PLA2G4F: variants seen among roughly 807,000 people sequenced by gnomAD.
PLA2G4F encodes the protein cytosolic phospholipase A2 zeta.
In PLA2G4F, 105 loss-of-function variants were observed where a neutral mutation model predicts 103.1. The observed-to-expected ratio is 1.02, with a 90% confidence interval of 0.87 to 1.20. The LOEUF (loss-of-function observed/expected upper bound fraction) is 1.20, where lower values mean the gene tolerates loss of function less well. PLA2G4F is among the 50% of genes most tolerant of loss of function. The pLI is 0.00. For missense variants in PLA2G4F, 1,155 were observed against 1,075.9 expected (o/e 1.07, Z -1.03); for synonymous variants, 468 against 441.1 (o/e 1.06, Z -0.76).
rs776776601 is a variant in PLA2G4F at position 42,154,173 on chromosome 15, G to A, written c.369C>T (p.Asp123=). ...TLYDKDILGS[D]QLSLLLFDLR... The stretch of plus-strand genomic sequence containing the variant: ...GGTCAAACAGGAGCAGAGAGAGCTG[G>A]TCGCTGCCCAGGATGTCCTTGTCAT... Residue 123 remains aspartate (D), a synonymous_variant, in exon 4 of 20, where the codon GAC becomes GAT. Transcript: ENST00000397272. 9.3e-6 allele frequency: 15 copies of A among 1,614,126 alleles called. No homozygotes were observed. Among genetic ancestry groups the A allele is most frequent in the African/African-American group, 1.3e-5 (1 of 74,946 alleles).
chr15:42,144,355 C>A, intron 17 of PLA2G4F, 95 bp downstream of exon 17: 1 of 1,523,528 alleles, frequency 6.6e-7, no homozygotes. Flanking sequence ...GAGACCACAC[C>A]TCAACCCCCA....
Position 42,145,623 on chromosome 15 carries a change from A to C in PLA2G4F, c.1732T>G (p.Ser578Ala). Reference protein sequence around the residue: ...LDEIFLKTAGSGLSFLEWYRG... With the variant: ...LDEIFLKTAGAGLSFLEWYRG... ...TACCACTCCAGGAAGCTGAGGCCCG[A>C]GCCGGCGGTCTTTAGGAAGATCTCA... The change falls in exon 16 of 20, where the codon TCG (serine) becomes GCG (alanine). Residue 578 changes from serine (S) to alanine (A), a missense_variant. By Grantham distance (99) the Ser-to-Ala change is moderately conservative. Coordinates refer to ENST00000397272, the MANE Select transcript of PLA2G4F (RefSeq NM_213600.4). The C allele has an allele frequency of 6.2e-7, 1 of 1,614,060 alleles. No individual in the cohort carries two copies. The highest frequency in any genetic ancestry group is 1.3e-5 in the African/African-American group (1 of 75,010).
chr15:42,154,072 G>A lies in PLA2G4F; in HGVS notation c.450+20C>T, dbSNP rs113662243. ...CTCCCCTCCTCCAGCTGGGCTCTCC[G>A]CCAGCACTGGTGGGCTCACCTGGTG... is the stretch of plus-strand genomic sequence containing the variant. On this transcript the variant is annotated intron_variant, in intron 4 of 19. Coordinates refer to ENST00000397272, the MANE Select transcript of PLA2G4F (RefSeq NM_213600.4). The A allele has an allele frequency of 1.0e-4, 164 of 1,613,902 alleles. No individual in the cohort carries two copies. The African/African-American group carries it at 1.3e-3, about 13-fold the overall frequency.
At position 42,153,319 on chromosome 15, in the gene PLA2G4F, A is replaced by C. The variant is rs750782940; in HGVS notation, c.515T>G (p.Ile172Ser). The change falls in exon 6 of 20, where the codon ATC becomes AGC. Residue 172 changes from isoleucine to serine, a missense_variant. Ile to Ser is a moderately radical substitution (Grantham distance 142, BLOSUM62 -2). Coordinates refer to ENST00000397272, the MANE Select transcript of PLA2G4F (RefSeq NM_213600.4). ...EKSQVPASEV[I>S]TNGVLVAHPC... ...ACTCACCACCAGAACCCCGTTGGTG[A>C]TGACTTCAGATGCAGGCACCTGGCT... The C allele has an allele frequency of 1.1e-5, 18 of 1,614,180 alleles. 1 individual carries two copies. The South Asian group carries it at 1.6e-4, about 15-fold the overall frequency.
intron 2 of PLA2G4F, among the ~76,000 whole-genome samples, chr15:42,154,758 G>A (rs1464504177): frequency 6.6e-6 from 1 of 152,162 alleles, no homozygotes; most frequent in African/African-American, 2.4e-5. Flanking sequence ...TCCCTGTGTG[G>A]GCACTGGCAT....
In PLA2G4F at chr15:42,147,179, CTG is replaced by C; in HGVS notation, c.1362_1363del (p.His454GlnfsTer13). ...GCCCCAGAGGTCGATGAGGGACACG[CTG>C]TGGCCACTGCGCTCCCGGACCCCCA... On this transcript the variant is annotated frameshift_variant, in exon 13 of 20. Transcript: ENST00000397272. LOFTEE classifies it high-confidence loss of function. 6.2e-7 allele frequency: 1 copy of C among 1,612,904 alleles called. No individual in the cohort carries two copies. The highest frequency in any genetic ancestry group is 8.5e-7 in the Non-Finnish European group (1 of 1,179,962).
chr15:42,151,100 T>G (rs73403548), intron 7 of PLA2G4F: 73,937 of 985,126 alleles, frequency 0.075, 4,993 homozygotes, highest in African/African-American at 0.32. Flanking sequence ...GATTCTATGT[T>G]TATCATAAGA....
In PLA2G4F at chr15:42,155,517, G is replaced by C. The variant is rs759041438; in HGVS notation, c.184C>G (p.Leu62Val). 39 of 1,613,932 alleles carry C rather than the reference G, an allele frequency of 2.4e-5. No homozygotes were observed. The highest frequency in any genetic ancestry group is 3.1e-5 in the Non-Finnish European group (36 of 1,179,816). The change falls in exon 2 of 20, where the codon CTG becomes GTG. Residue 62 changes from leucine (L) to valine (V), a missense_variant and splice_region_variant. By Grantham distance (32) the Leu-to-Val change is conservative. Around this residue, in one of 3 missense-constraint regions of PLA2G4F, gnomAD observed 370 missense variants for 364.9 expected, o/e 1.01. Coordinates refer to ENST00000397272, the MANE Select transcript of PLA2G4F (RefSeq NM_213600.4). Reference sequence around the variant, plus strand: ...GAAGGATGGAGATGGGGTCACTCACGCAGGTCTGTGCCCCGGATGTTTGTG... The same window carrying C: ...GAAGGATGGAGATGGGGTCACTCACCCAGGTCTGTGCCCCGGATGTTTGTG... ...RATNIRGTDLLSKADCYVQLW... is the reference protein window; with the variant it reads ...RATNIRGTDLVSKADCYVQLW...
chr15:42,148,512 A>G (rs1348584329), intron 11 of PLA2G4F: 1 of 722,822 alleles, frequency 1.4e-6, no homozygotes, highest in Non-Finnish European at 1.7e-6. Flanking sequence ...AGAAGTCAGC[A>G]GCCTCCCTCC....
chr15:42,144,283 G>C, intron 17 of PLA2G4F, 139 bp from the exon 18 acceptor site: 4 of 1,389,436 alleles, frequency 2.9e-6, no homozygotes, highest in Non-Finnish European at 3.9e-6. Flanking sequence ...CCAAGCCCTT[G>C]GCCCTGCCTT....
At position 42,153,630 on chromosome 15, in the gene PLA2G4F, G is replaced by A. The variant is rs1202907958; in HGVS notation, c.481C>T (p.Leu161=). Reference sequence around the variant, plus strand: ...TCTACCAGAACTCACCTCTTCTCCAGAACAAATTCCACCTGCAGCTCTTGT... The same window carrying A: ...TCTACCAGAACTCACCTCTTCTCCAAAACAAATTCCACCTGCAGCTCTTGT... ...DSQELQVEFV[L]EKSQVPASEV... Residue 161 remains leucine (L), a synonymous_variant, in exon 5 of 20, where the codon CTG becomes TTG. Transcript: ENST00000397272. 1 of 1,614,062 alleles carries A rather than the reference G, an allele frequency of 6.2e-7. No homozygotes were observed. Among genetic ancestry groups the A allele is most frequent in the African/African-American group, 1.3e-5 (1 of 74,926 alleles).
intron 7 of PLA2G4F, among the ~76,000 whole-genome samples, chr15:42,151,913 T>C (rs1243576566): frequency 6.6e-6 from 1 of 152,152 alleles, no homozygotes; most frequent in East Asian, 1.9e-4. Context: ...GTTAGGAGGA[T>C]TATAAGGCAC....
chr15:42,141,784 C>G lies in PLA2G4F; in HGVS notation c.*200G>C. 3.2e-6 allele frequency: 2 copies of G among 628,014 alleles called. No individual in the cohort carries two copies. The highest frequency in any genetic ancestry group is 2.8e-5 in the East Asian group (1 of 35,888). The allele number at this position is 628,014 out of a possible 1,614,324, so 38.9% of individuals were successfully genotyped here. ...GGAGCGATCTACTGCCCATCTTCTC[C>G]AAAAACACACAAGGAGAGCCCTGCC... On this transcript the variant is annotated 3_prime_UTR_variant, in exon 20 of 20. Coordinates refer to ENST00000397272, the MANE Select transcript of PLA2G4F (RefSeq NM_213600.4).
intron 18 of PLA2G4F, among the ~76,000 whole-genome samples, chr15:42,143,654 A>G (rs1174684172): frequency 2.0e-5 from 3 of 152,162 alleles, no homozygotes; most frequent in Non-Finnish European, 2.9e-5. Context: ...GGAGTGGGGA[A>G]ATCTGTCATG....
At position 42,142,033 on chromosome 15, in the gene PLA2G4F, A is replaced by G; in HGVS notation, c.2501T>C (p.Leu834Pro). 1.2e-6 allele frequency: 2 copies of G among 1,614,080 alleles called. No homozygotes were observed. Among genetic ancestry groups the G allele is most frequent in the Non-Finnish European group, 1.7e-6 (2 of 1,180,020 alleles). The stretch of plus-strand genomic sequence containing the variant: ...CTGGTGCCGGTCCAGAGCCAGCTGG[A>G]GGGCGCACTTCAAGGTCTCCACGTT... ...LNNVETLKCA[L>P]QLALDRHQAR... is the part of the protein sequence containing the mutation. The change falls in exon 20 of 20, where the codon CTC becomes CCC. Residue 834 changes from leucine to proline, a missense_variant. Physicochemically the swap from Leu to Pro is moderately conservative, Grantham distance 98 (BLOSUM62 -3). This residue lies in a region of PLA2G4F where 782 missense variants were observed against 692.9 expected (regional missense o/e 1.13). Transcript: ENST00000397272.
At position 42,154,463 on chromosome 15, in the gene PLA2G4F, A is replaced by G. The variant is rs375157098; in HGVS notation, c.185-5T>C. ...CATAGCAGTCGGCTTTGGACACTGC[A>G]GGTAGGACAGGGAGGGGCCGGGGCC... On this transcript the variant is annotated splice_polypyrimidine_tract_variant and splice_region_variant and intron_variant, in intron 2 of 19. Coordinates refer to ENST00000397272, the MANE Select transcript of PLA2G4F (RefSeq NM_213600.4). 303 of 1,563,576 alleles carry G rather than the reference A, an allele frequency of 1.9e-4. No individual in the cohort carries two copies. The highest frequency in any genetic ancestry group is 2.5e-4 in the Non-Finnish European group (289 of 1,152,308).
intron 18 of PLA2G4F, 147 bp from the exon 19 acceptor site, chr15:42,142,861 G>T (rs1036951690): frequency 1.2e-6 from 1 of 829,164 alleles, no homozygotes. Flanking sequence ...TTTCTGAGCT[G>T]GTTTCTCATG....
chr15:42,149,514 G>A, intron 11 of PLA2G4F, 199 bp downstream of exon 11: 1 of 985,398 alleles, frequency 1.0e-6, no homozygotes, highest in African/African-American at 1.7e-5. Context: ...TGTTACGGCG[G>A]CCCACATAGA....
Position 42,141,345 on chromosome 15 carries a change from G to A in PLA2G4F, c.*639C>T, listed in dbSNP as rs1259919267. The A allele has an allele frequency of 4.4e-6, 2 of 456,628 alleles. No homozygotes were observed. Among genetic ancestry groups the A allele is most frequent in the Non-Finnish European group, 8.8e-6 (2 of 226,982 alleles). The allele number at this position is 456,628 out of a possible 1,614,324, so 28.3% of individuals were successfully genotyped here. On this transcript the variant is annotated 3_prime_UTR_variant, in exon 20 of 20. Coordinates refer to ENST00000397272, the MANE Select transcript of PLA2G4F (RefSeq NM_213600.4). ...CTCCCACCTGGAGCAGCCAGAATGG[G>A]ACATCACCCCACAGGCTTTAGGGCG...
Sources: allele counts gnomAD v4.1 joint callset (sites outside exome capture counted in the v4.1 genomes callset), GRCh38; gene constraint gnomAD v4.1.1; regional missense constraint gnomAD v4.1.1; transcripts MANE v1.5; gene names NCBI Gene and HGNC (gene_info 2026-07-23, HGNC 2026-07-21).